The following HERC5 variants were observed in gnomAD, a reference collection of about 807,000 sequenced individuals.
HERC5 encodes E3 ISG15--protein ligase HERC5.
In HERC5, 99 loss-of-function variants were observed where a neutral mutation model predicts 119.6. The observed-to-expected ratio is 0.83, with a 90% CI of 0.70 to 0.98. The LOEUF (loss-of-function observed/expected upper bound fraction) is 0.98. Ranked by LOEUF, HERC5 falls within the 50% of genes least tolerant of loss-of-function variation. The pLI, the probability that HERC5 is intolerant of heterozygous loss-of-function variation, is 0.00. For synonymous variants in HERC5, 478 were observed against 445.9 expected (o/e 1.07, Z -0.91); for missense variants, 1,267 against 1,241.3 (o/e 1.02, Z -0.31).
chr4:88,473,514 T>C (rs1341394090), intron 11 of HERC5: 5 of 152,216 alleles, frequency 3.3e-5, no homozygotes, highest in African/African-American at 1.2e-4. Flanking sequence ...GAAAGTTCAG[T>C]TCTCTTAACT....
At chr4:88,494,782 A>G (rs879818188) in intron 18 of HERC5, among the ~76,000 whole-genome samples, 1 of 152,234 alleles carries the variant, frequency 6.6e-6, no homozygotes, top group Non-Finnish European at 1.5e-5. Context: ...AGAAATATTC[A>G]CAAAGTATCC....
intron 11 of HERC5, among the ~76,000 whole-genome samples, chr4:88,474,323 G>C (rs183385496): frequency 6.6e-6 from 1 of 152,292 alleles, no homozygotes; most frequent in East Asian, 1.9e-4. Context: ...GAGGAATTAA[G>C]ATCTTACCAG....
At chr4:88,490,049 A>G (rs1741586181) in intron 16 of HERC5, among the ~76,000 whole-genome samples, 1 of 152,232 alleles carries the variant, frequency 6.6e-6, no homozygotes, top group South Asian at 2.1e-4. Flanking sequence ...TTTGTAGAAA[A>G]GAGAATTTTC....
At chr4:88,471,333 T>C (rs149210921) in intron 10 of HERC5, among the ~76,000 whole-genome samples, 140 of 152,162 alleles carry the variant, frequency 9.2e-4, no homozygotes, top group African/African-American at 3.3e-3. Flanking sequence ...TTATTCTATC[T>C]TTTTTGGTAA....
intron 1 of HERC5, among the ~76,000 whole-genome samples, chr4:88,458,317 A>T (rs1740261588): frequency 6.6e-6 from 1 of 151,544 alleles, no homozygotes; most frequent in Non-Finnish European, 1.5e-5. Context: ...GTTAAGGCTT[A>T]TGGGTTTTAT....
At chr4:88,503,695 T>G (rs753422617) in intron 20 of HERC5, among the ~76,000 whole-genome samples, 1 of 152,244 alleles carries the variant, frequency 6.6e-6, no homozygotes, top group Non-Finnish European at 1.5e-5. Flanking sequence ...TGTATCTTTT[T>G]CCCTTCTTTG....
intron 16 of HERC5, among the ~76,000 whole-genome samples, chr4:88,490,633 CAGG>C (rs1741606412): frequency 6.6e-6 from 1 of 152,110 alleles, no homozygotes; most frequent in Non-Finnish European, 1.5e-5. Flanking sequence ...CACCTGAGGT[CAGG>C]AGTTCGAAAC....
chr4:88,494,184 G>A lies in HERC5; in HGVS notation c.2297G>A (p.Arg766Lys), dbSNP rs1234083959. Residue 766 changes from arginine to lysine, a missense_variant, in exon 18 of 23, where the codon AGA (arginine) becomes AAA (lysine). Physicochemically the swap from Arg to Lys is conservative, Grantham distance 26. Coordinates refer to ENST00000264350, the MANE Select transcript of HERC5 (RefSeq NM_016323.4). ...TTTCAGCCTAAATTTGAGAAGAAAA[G>A]ATACTTCTTTTTTGGGGTTCTATGT... ...FPVKPKFEKK[R>K]YFFFGVLCGL... 1 of 1,607,166 alleles carries A rather than the reference G, an allele frequency of 6.2e-7. No homozygotes were observed. Among genetic ancestry groups the A allele is most frequent in the East Asian group, 2.2e-5 (1 of 44,548 alleles).
chr4:88,457,357 G>A lies in HERC5; in HGVS notation c.88G>A (p.Gly30Ser), dbSNP rs749308081. Residue 30 changes from glycine (G) to serine (S), a missense_variant, in exon 1 of 23, where the codon GGC becomes AGC. By Grantham distance (56) the Gly-to-Ser change is moderately conservative. Transcript: ENST00000264350. ...CGCGACCCAGCCCGCGAAGTCTCCG[G>A]GCGCACAGCTCTGGCTCTTTCCCAG... ...AAATQPAKSPGAQLWLFPSAA... is the reference protein window; with the variant it reads ...AAATQPAKSPSAQLWLFPSAA... 1 of 1,428,646 alleles carries A rather than the reference G, an allele frequency of 7.0e-7. No homozygotes were observed. Among genetic ancestry groups the A allele is most frequent in the South Asian group, 1.4e-5 (1 of 71,892 alleles). 88.5% of individuals were successfully genotyped at this position (1,428,646 alleles called of 1,614,324 possible). A position where few individuals can be genotyped will look rare whatever the true frequency, so the allele number is the denominator to read the frequency against.
rs769691668 is a variant in HERC5, at chr4:88,493,175, CT to C, written c.2277+22del. ...GTCAAGGTAAGTTCCCTCTTCTTTG[CT>C]TAAGGTATTTTGCGACAGAAAAAGT... On this transcript the variant is annotated intron_variant, in intron 17 of 22. Coordinates refer to ENST00000264350, the MANE Select transcript of HERC5 (RefSeq NM_016323.4). 94 of 1,611,000 alleles carry C rather than the reference CT, an allele frequency of 5.8e-5. 1 individual carries two copies. In the South Asian group the frequency reaches 9.9e-4, roughly 17 times the overall value.
chr4:88,465,197 G>A (rs1740617352), intron 6 of HERC5, among the ~76,000 whole-genome samples: 1 of 152,070 alleles, frequency 6.6e-6, no homozygotes. Context: ...TTACAGGGGT[G>A]AGCCACCACG....
intron 8 of HERC5, among the ~76,000 whole-genome samples, chr4:88,468,954 T>G (rs1404680435): frequency 6.6e-6 from 1 of 152,200 alleles, no homozygotes; most frequent in Non-Finnish European, 1.5e-5. Context: ...AAATTTACTT[T>G]CAGTCTAAGC....
At position 88,496,185 on chromosome 4, in the gene HERC5, G is replaced by T. The variant is rs142944410; in HGVS notation, c.2444+1854G>T. ...TTTTGACCTCATGAACTCTGTAAAGGCCCAAGGATTCCCAAGAATTGCTGG... is the reference window on the plus strand; with the variant it reads ...TTTTGACCTCATGAACTCTGTAAAGTCCCAAGGATTCCCAAGAATTGCTGG... On this transcript the variant is annotated intron_variant, in intron 18 of 22. Transcript: ENST00000264350. 5.8e-3 allele frequency among the ~76,000 whole-genome samples: 887 copies of T among 152,206 alleles called. 7 individuals carry two copies. Among genetic ancestry groups the T allele is most frequent in the African/African-American group, 0.02 (850 of 41,538 alleles).
chr4:88,496,173 A>G (rs1741790550), intron 18 of HERC5, among the ~76,000 whole-genome samples: 1 of 152,190 alleles, frequency 6.6e-6, no homozygotes, highest in South Asian at 2.1e-4. Context: ...TGACCTCATG[A>G]ACTCTGTAAA....
chr4:88,490,158 T>C (rs1346171858), intron 16 of HERC5, among the ~76,000 whole-genome samples: 2 of 152,250 alleles, frequency 1.3e-5, no homozygotes, highest in Non-Finnish European at 2.9e-5. Context: ...ATAATTTGTC[T>C]TATTAGTAAA....
chr4:88,502,804 T>C (rs905310448), intron 20 of HERC5, among the ~76,000 whole-genome samples: 3 of 152,184 alleles, frequency 2.0e-5, no homozygotes, highest in African/African-American at 7.2e-5. Flanking sequence ...GCTTATTGGC[T>C]GTTTGGATAT....
rs773827213 is a variant in HERC5 at position 88,504,285 on chromosome 4, C to T, written c.2636C>T (p.Ala879Val). ...INYIFNDSVK[A>V]VYEEFRRGFY... Reference sequence around the variant, plus strand: ...TACATTTTCAACGACTCTGTAAAGGCGGTTTATGAAGAATTTCGGAGAGGA... The same window carrying T: ...TACATTTTCAACGACTCTGTAAAGGTGGTTTATGAAGAATTTCGGAGAGGA... Residue 879 changes from alanine (A) to valine (V), a missense_variant, in exon 21 of 23, where the codon GCG becomes GTG. Transcript: ENST00000264350. The T allele has an allele frequency of 8.7e-6, 14 of 1,611,320 alleles. No homozygotes were observed. The highest frequency in any genetic ancestry group is 8.0e-5 in the African/African-American group (6 of 74,918).
chr4:88,471,639 G>A (rs903886240), intron 10 of HERC5, among the ~76,000 whole-genome samples: 6 of 152,088 alleles, frequency 3.9e-5, no homozygotes, highest in South Asian at 2.1e-4. Context: ...GCACCCAGCC[G>A]GTAACATAAT....
chr4:88,500,784 G>T, intron 19 of HERC5, 131 bp from the exon 20 acceptor site: 1 of 697,976 alleles, frequency 1.4e-6, no homozygotes, highest in East Asian at 2.8e-5. Context: ...TACATTCCTT[G>T]CTAGCTTTTA....
Sources: gnomAD v4.1 joint callset for allele counts (sites outside exome capture counted in the v4.1 genomes callset) on GRCh38, gnomAD v4.1.1 for gene constraint, MANE v1.5 for transcripts, NCBI Gene and HGNC (gene_info 2026-07-23, HGNC 2026-07-21) for gene names.